Variants in GSDME observed in about 807,000 individuals in gnomAD.
The protein encoded by GSDME is gasdermin E.
Under a neutral mutation model 47.5 loss-of-function variants are expected in GSDME, and 44 were observed. That is an observed-to-expected ratio of 0.93 (90% CI 0.73 to 1.19). The LOEUF is 1.19. Among genes scored for constraint, GSDME ranks in the 50% most tolerant of loss-of-function variants. GSDME has a pLI of 0.00. For missense variants in GSDME, 663 were observed against 604.2 expected, an observed-to-expected ratio of 1.10 and a Z score of -1.02; for synonymous variants, 258 against 252.8, an observed-to-expected ratio of 1.02 and a Z score of -0.20.
rs1378137432 is a variant in GSDME at position 24,740,627 on chromosome 7, T to C, written c.404+3935A>G. On this transcript the variant is annotated intron_variant, in intron 3 of 9. Transcript: ENST00000645220. ...CCATTAAAAATTCCTCATTAAAAAA[T>C]GTCATATATCCCATAAATGTATGTA... Among the ~76,000 whole-genome samples, 7 of 151,988 alleles carry C rather than the reference T, an allele frequency of 4.6e-5. No homozygotes were observed. In the South Asian group the frequency reaches 1.2e-3, roughly 27 times the overall value.
the GSDME span, among the ~76,000 whole-genome samples, chr7:24,782,114 T>A: frequency 6.6e-6 from 1 of 152,208 alleles, no homozygotes; most frequent in East Asian, 1.9e-4. Flanking sequence ...ATGTGTATAA[T>A]GTGCAGGTTT....
the GSDME span, among the ~76,000 whole-genome samples, chr7:24,775,302 T>C: frequency 1.3e-5 from 2 of 152,246 alleles, no homozygotes; most frequent in African/African-American, 4.8e-5. Context: ...ATTTGCTATG[T>C]CCAGTACACT....
intron 3 of GSDME, among the ~76,000 whole-genome samples, chr7:24,737,426 T>C (rs1440378979): frequency 6.6e-6 from 1 of 151,582 alleles, no homozygotes; most frequent in Admixed American, 6.6e-5. Context: ...ACACAAAACC[T>C]ACCAAGATTG....
chr7:24,744,310 A>T lies in GSDME; in HGVS notation c.404+252T>A. The T allele has an allele frequency of 3.7e-6, 2 of 536,698 alleles. No homozygotes were observed. The highest frequency in any genetic ancestry group is 6.7e-6 in the Non-Finnish European group (2 of 298,216). The allele number at this position is 536,698 out of a possible 1,614,324, so 33.2% of individuals were successfully genotyped here. On this transcript the variant is annotated intron_variant, in intron 3 of 9. Coordinates refer to ENST00000645220, the MANE Select transcript of GSDME (RefSeq NM_001127453.2). This position sits in a 1 kb window ranked among gnomAD's most constrained non-coding sequence, Gnocchi z 4.5. ...CGCATTTTATAAATCATGTGATTGA[A>T]GGAAGTACATATTTGCCTGAAGTAA...
chr7:24,698,893 T>C lies in GSDME; in HGVS notation c.*133A>G, dbSNP rs953666845. 5 of 751,776 alleles carry C rather than the reference T, an allele frequency of 6.7e-6. No individual in the cohort carries two copies. The highest frequency in any genetic ancestry group is 1.2e-5 in the Non-Finnish European group (5 of 427,908). The allele number at this position is 751,776 out of a possible 1,614,324, so 46.6% of individuals were successfully genotyped here. Reference sequence around the variant, plus strand: ...TGGCTAAAAGTCAGGTCATTCATCATGCAAAATGTCACCACTTCTTAAACT... The same window carrying C: ...TGGCTAAAAGTCAGGTCATTCATCACGCAAAATGTCACCACTTCTTAAACT... On this transcript the variant is annotated 3_prime_UTR_variant, in exon 10 of 10. Coordinates refer to ENST00000645220, the MANE Select transcript of GSDME (RefSeq NM_001127453.2).
At chr7:24,782,528 C>T in the GSDME span, among the ~76,000 whole-genome samples, 7 of 152,092 alleles carry the variant, frequency 4.6e-5, no homozygotes, top group African/African-American at 1.2e-4. Flanking sequence ...AATAAACATA[C>T]GTGTGCATGT....
At chr7:24,762,911 C>A (rs1224352210), upstream of GSDME, among the ~76,000 whole-genome samples, 2 of 152,188 alleles carry the variant, frequency 1.3e-5, no homozygotes, top group Non-Finnish European at 1.5e-5. Flanking sequence ...GGAGGCTCAG[C>A]TCCAGGTTGT....
chr7:24,785,003 C>T, the GSDME span, among the ~76,000 whole-genome samples: 1 of 152,218 alleles, frequency 6.6e-6, no homozygotes, highest in Non-Finnish European at 1.5e-5. Flanking sequence ...ATACTTTGCA[C>T]CCTTCCATCC....
In GSDME at chr7:24,744,589, T is replaced by G. The variant is rs767437718; in HGVS notation, c.377A>C (p.Gln126Pro). Residue 126 changes from glutamine to proline, a missense_variant, in exon 3 of 10, where the codon CAG becomes CCG. By Grantham distance (76) the Gln-to-Pro change is moderately conservative (BLOSUM62 -1). Coordinates refer to ENST00000645220, the MANE Select transcript of GSDME (RefSeq NM_001127453.2). The surrounding 1 kb of genome is among the most constrained non-coding windows in gnomAD (Gnocchi z 4.5). ...CTCGGCAGAGTCTCTGATGAGCTGCTGCAAATCCACCTCCTGCTTCCTCAG... is the reference window on the plus strand; with the variant it reads ...CTCGGCAGAGTCTCTGATGAGCTGCGGCAAATCCACCTCCTGCTTCCTCAG... ...GTLRKQEVDL[Q>P]QLIRDSAERT... is the part of the protein sequence containing the mutation. 2.5e-6 allele frequency: 4 copies of G among 1,614,214 alleles called. No individual in the cohort carries two copies. Among genetic ancestry groups the G allele is most frequent in the Non-Finnish European group, 3.4e-6 (4 of 1,180,038 alleles).
intron 2 of GSDME, among the ~76,000 whole-genome samples, chr7:24,748,041 G>A (rs1377931543): frequency 6.6e-6 from 1 of 151,334 alleles, no homozygotes; most frequent in Non-Finnish European, 1.5e-5. Flanking sequence ...GGAATATTAT[G>A]TGTTTGTTGA....
intron 7 of GSDME, among the ~76,000 whole-genome samples, chr7:24,706,818 G>A (rs533833392): frequency 1.1e-4 from 17 of 152,326 alleles, no homozygotes; most frequent in East Asian, 9.6e-4. Flanking sequence ...GGAGTGAGGC[G>A]ACCCTGCTGG....
the GSDME span, among the ~76,000 whole-genome samples, chr7:24,765,714 G>A: frequency 0.035 from 5,321 of 152,266 alleles, 224 homozygotes; most frequent in African/African-American, 0.1. Flanking sequence ...CTCTGTTAAA[G>A]TTCATTTATC....
chr7:24,717,611 G>A lies in GSDME; in HGVS notation c.577-237C>T, dbSNP rs17149980. 0.13 allele frequency among the ~76,000 whole-genome samples: 20,365 copies of A among 152,152 alleles called. 1,501 individuals carry two copies. Among genetic ancestry groups the A allele is most frequent in the Middle Eastern group, 0.2 (60 of 294 alleles). On this transcript the variant is annotated intron_variant, in intron 4 of 9. Coordinates refer to ENST00000645220, the MANE Select transcript of GSDME (RefSeq NM_001127453.2). ...GGTGGCATCAAAGCGAGATTATAGA[G>A]CGTGGGATACAGTGAAGTTAGGTCT... is the stretch of plus-strand genomic sequence containing the variant.
At position 24,710,265 on chromosome 7, in the gene GSDME, C is replaced by T. The variant is rs1157609581; in HGVS notation, c.821G>A (p.Gly274Glu). 1.9e-6 allele frequency: 3 copies of T among 1,614,168 alleles called. No individual in the cohort carries two copies. The Admixed American group carries it at 5.0e-5, about 27-fold the overall frequency. The change falls in exon 6 of 10, where the codon GGG becomes GAG. Residue 274 changes from glycine (G) to glutamate (E), a missense_variant. Gly to Glu is a moderately conservative substitution (Grantham distance 98, BLOSUM62 -2). Coordinates refer to ENST00000645220, the MANE Select transcript of GSDME (RefSeq NM_001127453.2). ...TAATGGTCCATCCTGGGAAGATATCCCATGCGCAGCATCTGGCATGTCTAT... is the reference window on the plus strand; with the variant it reads ...TAATGGTCCATCCTGGGAAGATATCTCATGCGCAGCATCTGGCATGTCTAT... Reference protein sequence around the residue: ...AFIDMPDAAHGISSQDGPLSV... With the variant: ...AFIDMPDAAHEISSQDGPLSV...
In GSDME at chr7:24,719,189, T is replaced by C. The variant is rs1304042932; in HGVS notation, c.434A>G (p.Gln145Arg). The C allele has an allele frequency of 1.2e-6, 2 of 1,613,270 alleles. No individual in the cohort carries two copies. Among genetic ancestry groups the C allele is most frequent in the Non-Finnish European group, 1.7e-6 (2 of 1,180,030 alleles). The change falls in exon 4 of 10, where the codon CAG becomes CGG. Residue 145 changes from glutamine to arginine, a missense_variant. Gln to Arg is a conservative substitution (Grantham distance 43). Coordinates refer to ENST00000645220, the MANE Select transcript of GSDME (RefSeq NM_001127453.2). The part of the protein sequence containing the change: ...RTINLRNPVL[Q>R]QVLEGRNEVL... ...CTCATTCCTTCCTTCCAGCACCTGC[T>C]GGAGCACAGGGTTTCTCAGATTTAT...
Position 24,721,654 on chromosome 7 carries a change from G to A in GSDME, c.405-2436C>T, listed in dbSNP as rs535615303. On this transcript the variant is annotated intron_variant, in intron 3 of 9. Coordinates refer to ENST00000645220, the MANE Select transcript of GSDME (RefSeq NM_001127453.2). This position sits in a 1 kb window ranked among gnomAD's most constrained non-coding sequence, Gnocchi z 4.1. ...ACTAGCTGGCTCCGCCCACCTTCCCGTGTCCCTCTATGAGGCTCACAAAAC... is the reference window on the plus strand; with the variant it reads ...ACTAGCTGGCTCCGCCCACCTTCCCATGTCCCTCTATGAGGCTCACAAAAC... Among the ~76,000 whole-genome samples, 72 of 152,298 alleles carry A rather than the reference G, an allele frequency of 4.7e-4. No homozygotes were observed. The highest frequency in any genetic ancestry group is 6.7e-4 in the African/African-American group (28 of 41,560).
rs1790942023 is a variant in GSDME at position 24,754,143 on chromosome 7, G to T, written c.-20+3253C>A. On this transcript the variant is annotated intron_variant, in intron 1 of 9. Coordinates refer to ENST00000645220, the MANE Select transcript of GSDME (RefSeq NM_001127453.2). This position sits in a 1 kb window ranked among gnomAD's most constrained non-coding sequence, Gnocchi z 5.0. ...ATAGCTCATGGCCTAAAAACTCACT[G>T]CACTTCACAGTTGTTACATAGATCA... Among the ~76,000 whole-genome samples the T allele has an allele frequency of 6.6e-6, 1 of 152,174 alleles. No individual in the cohort carries two copies. The highest frequency in any genetic ancestry group is 2.1e-4 in the South Asian group (1 of 4,824).
rs1789580310 is a variant in GSDME, at chr7:24,716,943, T to G, written c.697+311A>C. Reference sequence around the variant, plus strand: ...ATGGCACCGGGGTTGATGCCCAGTGTGTCTGATGCAGAGCCCAGGTTGATG... The same window carrying G: ...ATGGCACCGGGGTTGATGCCCAGTGGGTCTGATGCAGAGCCCAGGTTGATG... On this transcript the variant is annotated intron_variant, in intron 5 of 9. Coordinates refer to ENST00000645220, the MANE Select transcript of GSDME (RefSeq NM_001127453.2). The surrounding 1 kb of genome is among the most constrained non-coding windows in gnomAD (Gnocchi z 4.5). 1 of 408,632 alleles carries G rather than the reference T, an allele frequency of 2.4e-6. No homozygotes were observed. The highest frequency in any genetic ancestry group is 4.7e-6 in the Non-Finnish European group (1 of 214,916). The allele number at this position is 408,632 out of a possible 1,614,324, so 25.3% of individuals were successfully genotyped here.
chr7:24,781,957 G>T, the GSDME span, among the ~76,000 whole-genome samples: 1 of 151,972 alleles, frequency 6.6e-6, no homozygotes, highest in Non-Finnish European at 1.5e-5. Flanking sequence ...TGTTGCCCAG[G>T]CTGGTCTGAA....
Sources: gnomAD v4.1 joint callset for allele counts (sites outside exome capture counted in the v4.1 genomes callset) on GRCh38, gnomAD v4.1.1 for gene constraint, Gnocchi (gnomAD v3.1) non-coding constraint, MANE v1.5 for transcripts, NCBI Gene and HGNC (gene_info 2026-07-23, HGNC 2026-07-21) for gene names.